The following PCCB variants were observed in gnomAD, a reference collection of about 807,000 sequenced individuals.
PCCB encodes propionyl-CoA carboxylase subunit beta.
PCCB carries 43 observed loss-of-function variants against 60.7 expected under a neutral mutation model. That is an observed-to-expected ratio of 0.71 (90% confidence interval 0.55 to 0.91). PCCB has a LOEUF of 0.91. PCCB is among the 40% of genes least tolerant of loss of function. PCCB has a pLI of 0.00. For synonymous variants in PCCB, 276 were observed against 255.9 expected, an observed-to-expected ratio of 1.08 and a Z score of -0.75; for missense variants, 766 against 702.8, an observed-to-expected ratio of 1.09 and a Z score of -1.02.
chr3:136,317,141 C>T, intron 10 of PCCB, 77 bp downstream of exon 10: 1 of 1,450,004 alleles, frequency 6.9e-7, no homozygotes, highest in Non-Finnish European at 9.5e-7. Context: ...TCCTTTCTGT[C>T]TTTTGCCTGT....
At chr3:136,267,381 G>GAT (rs1411675426) in intron 5 of PCCB, among the ~76,000 whole-genome samples, 4 of 151,680 alleles carry the variant, frequency 2.6e-5, no homozygotes, top group Non-Finnish European at 5.9e-5. Context: ...TGTGTGTAGA[G>GAT]ATGGGGTCTT....
intron 10 of PCCB, among the ~76,000 whole-genome samples, chr3:136,320,466 T>G (rs902025849): frequency 6.6e-6 from 1 of 152,246 alleles, no homozygotes; most frequent in Non-Finnish European, 1.5e-5. Flanking sequence ...TACATGGAAT[T>G]GCTTTCTCAA....
rs142702089 is a variant in PCCB at position 136,276,315 on chromosome 3, A to G, written c.544-7522A>G. ...GGGTAAATGCAATACTCAGTAAGGCAGAGAGGTTCCACCCTTGATGAAAGT... is the reference window on the plus strand; with the variant it reads ...GGGTAAATGCAATACTCAGTAAGGCGGAGAGGTTCCACCCTTGATGAAAGT... On this transcript the variant is annotated intron_variant, in intron 5 of 14. Transcript: ENST00000251654. Among the ~76,000 whole-genome samples, 4 of 152,340 alleles carry G rather than the reference A, an allele frequency of 2.6e-5. No individual in the cohort carries two copies. The East Asian group carries it at 7.7e-4, about 29-fold the overall frequency.
intron 5 of PCCB, among the ~76,000 whole-genome samples, chr3:136,268,102 A>ATATATATATATATATGTATATATG (rs1560002497): frequency 8.5e-6 from 1 of 117,622 alleles, no homozygotes; most frequent in South Asian, 2.6e-4. Flanking sequence ...ATATATATAT[A>ATATATATATATATATGTATATATG]TATATATATA....
intron 5 of PCCB, among the ~76,000 whole-genome samples, chr3:136,269,885 C>CAA (rs1159032335): frequency 3.0e-3 from 183 of 60,182 alleles, no homozygotes; most frequent in East Asian, 3.8e-3. Flanking sequence ...GACTCTGTCT[C>CAA]AAAAAAAAAA....
intron 7 of PCCB, among the ~76,000 whole-genome samples, chr3:136,295,725 A>G (rs894345109): frequency 6.6e-6 from 1 of 152,224 alleles, no homozygotes; most frequent in South Asian, 2.1e-4. Flanking sequence ...TCCACAGATA[A>G]TCACTAGTGA....
chr3:136,299,307 TATAC>T lies in PCCB; in HGVS notation c.884+1242_884+1245del, dbSNP rs761134829. Among the ~76,000 whole-genome samples, 48 of 152,184 alleles carry T rather than the reference TATAC, an allele frequency of 3.2e-4. 1 individual carries two copies. The highest frequency in any genetic ancestry group is 9.2e-4 in the Admixed American group (14 of 15,294). ...ATATGTACGTATATGCATATATATG[TATAC>T]ATACATGTATACATATTTGTGCATA... On this transcript the variant is annotated intron_variant, in intron 8 of 14. Coordinates refer to ENST00000251654, the MANE Select transcript of PCCB (RefSeq NM_000532.5).
At chr3:136,255,373 C>T (rs1941643539) in intron 1 of PCCB, 4 of 208,842 alleles carry the variant, frequency 1.9e-5, no homozygotes, top group South Asian at 1.6e-4. Context: ...CAGGAAGTAG[C>T]GTGTCCTTGA....
At chr3:136,299,363 T>C (rs1385261773) in intron 8 of PCCB, among the ~76,000 whole-genome samples, 2 of 152,064 alleles carry the variant, frequency 1.3e-5, no homozygotes, top group Non-Finnish European at 2.9e-5. Flanking sequence ...TACATATGCA[T>C]GCATAGGTAT....
At chr3:136,279,010 T>C (rs1196986852) in intron 5 of PCCB, among the ~76,000 whole-genome samples, 1 of 152,232 alleles carries the variant, frequency 6.6e-6, no homozygotes, top group Non-Finnish European at 1.5e-5. Flanking sequence ...TGTATATTTT[T>C]TTAACTGGTA....
chr3:136,288,216 G>C (rs1273472022), intron 6 of PCCB, among the ~76,000 whole-genome samples: 1 of 152,150 alleles, frequency 6.6e-6, no homozygotes, highest in Non-Finnish European at 1.5e-5. Flanking sequence ...AATGTTCCAT[G>C]GGAGCTTGAG....
intron 5 of PCCB, among the ~76,000 whole-genome samples, chr3:136,268,089 T>TATAGATATAG (rs1285737363): frequency 1.4e-4 from 2 of 13,936 alleles, no homozygotes; most frequent in African/African-American, 3.5e-4. Flanking sequence ...TGTGTGTAGA[T>TATAGATATAG]ATATATATAT....
chr3:136,274,585 G>A (rs906805119), intron 5 of PCCB, among the ~76,000 whole-genome samples: 3 of 152,204 alleles, frequency 2.0e-5, no homozygotes, highest in East Asian at 1.9e-4. Flanking sequence ...TAGATAGCCC[G>A]ATGACTATGT....
At chr3:136,269,357 A>G (rs554489747) in intron 5 of PCCB, among the ~76,000 whole-genome samples, 28 of 152,280 alleles carry the variant, frequency 1.8e-4, no homozygotes, top group African/African-American at 5.3e-4. Flanking sequence ...TAGAGATACA[A>G]TTGATTTTCA....
intron 8 of PCCB, among the ~76,000 whole-genome samples, chr3:136,299,838 G>GTGTA (rs1273126709): frequency 6.7e-6 from 1 of 148,742 alleles, no homozygotes; most frequent in Admixed American, 6.6e-5. Flanking sequence ...GTATATGCAT[G>GTGTA]TGTATGTATA....
At chr3:136,279,223 C>T (rs564240580) in intron 5 of PCCB, among the ~76,000 whole-genome samples, 1 of 152,086 alleles carries the variant, frequency 6.6e-6, no homozygotes, top group Non-Finnish European at 1.5e-5. Context: ...CAGATAGATT[C>T]TGTCTGTATG....
At chr3:136,257,847 C>T (rs771031832) in intron 3 of PCCB, among the ~76,000 whole-genome samples, 15 of 152,072 alleles carry the variant, frequency 9.9e-5, no homozygotes, top group African/African-American at 3.4e-4. Context: ...GCAGGAGAAT[C>T]GCTTGAACCT....
At chr3:136,299,956 A>C (rs891624993) in intron 8 of PCCB, among the ~76,000 whole-genome samples, 2 of 151,958 alleles carry the variant, frequency 1.3e-5, no homozygotes, top group Admixed American at 1.3e-4. Context: ...GCATACATAT[A>C]TACATGTATG....
intron 5 of PCCB, among the ~76,000 whole-genome samples, chr3:136,264,874 C>T (rs374563508): frequency 3.9e-5 from 3 of 76,620 alleles, no homozygotes; most frequent in Non-Finnish European, 6.9e-5. Context: ...GACTCCGTCT[C>T]AAAAAAAAAA....
Sources: allele counts gnomAD v4.1 joint callset (sites outside exome capture counted in the v4.1 genomes callset), GRCh38; gene constraint gnomAD v4.1.1; transcripts MANE v1.5; gene names NCBI Gene and HGNC (gene_info 2026-07-23, HGNC 2026-07-21).